Variants in NOX5 observed in about 807,000 individuals in gnomAD.
The protein encoded by NOX5 is NADPH oxidase, EF-hand calcium binding domain 5.
In NOX5, 76 loss-of-function variants were observed where a neutral mutation model predicts 85.7. That is an observed-to-expected ratio of 0.89 (90% CI 0.74 to 1.07). The LOEUF is 1.07. Among genes scored for constraint, NOX5 ranks in the 50% least tolerant of loss-of-function variants. The probability of loss-of-function intolerance (pLI) is 0.00; values close to 1 mark genes in which losing one functional copy is unlikely to be tolerated. For synonymous variants in NOX5, 405 were observed against 401.4 expected (o/e 1.01, Z -0.11); for missense variants, 973 against 999.5 (o/e 0.97, Z 0.36).
rs764548905 is a variant in NOX5 at position 69,033,137 on chromosome 15, C to G, written c.715C>G (p.Leu239Val). Residue 239 changes from leucine to valine, a missense_variant, in exon 5 of 16, where the codon CTG becomes GTG. Leu to Val is a conservative substitution (Grantham distance 32, BLOSUM62 1). Coordinates refer to ENST00000388866, the MANE Select transcript of NOX5 (RefSeq NM_024505.4). ...CTACTGGCACAACCACCGCAGCCAG[C>G]TGTTCTGCCTGGCCACCTATGCAGG... is the stretch of plus-strand genomic sequence containing the variant. ...RAYWHNHRSQ[L>V]FCLATYAGLH... The G allele has an allele frequency of 6.4e-7, 1 of 1,569,604 alleles. No individual in the cohort carries two copies. Among genetic ancestry groups the G allele is most frequent in the Admixed American group, 1.8e-5 (1 of 55,782 alleles).
intron 1 of NOX5, among the ~76,000 whole-genome samples, chr15:69,015,009 C>G (rs1477715762): frequency 1.3e-5 from 2 of 152,188 alleles, no homozygotes; most frequent in Non-Finnish European, 2.9e-5. Flanking sequence ...CTGGCCAAGT[C>G]AGTGTAATAG....
Position 69,031,821 on chromosome 15 carries a change from G to A in NOX5, c.620+9G>A, listed in dbSNP as rs371028876. 1.4e-5 allele frequency: 23 copies of A among 1,589,676 alleles called. No homozygotes were observed. The highest frequency in any genetic ancestry group is 1.8e-5 in the Non-Finnish European group (21 of 1,163,348). ...GAGAACCTGACCATCAGGTACGGCC[G>A]GGTCTCGGGCATTGGCACTGTCCAC... On this transcript the variant is annotated intron_variant, in intron 4 of 15. Coordinates refer to ENST00000388866, the MANE Select transcript of NOX5 (RefSeq NM_024505.4).
Position 69,047,831 on chromosome 15 carries a change from C to T in NOX5, c.1819C>T (p.His607Tyr). The T allele has an allele frequency of 1.2e-6, 2 of 1,614,116 alleles. No individual in the cohort carries two copies. Among genetic ancestry groups the T allele is most frequent in the Non-Finnish European group, 1.7e-6 (2 of 1,180,014 alleles). The change falls in exon 13 of 16, where the codon CAC becomes TAC. Residue 607 changes from histidine to tyrosine, a missense_variant and splice_region_variant. Coordinates refer to ENST00000388866, the MANE Select transcript of NOX5 (RefSeq NM_024505.4). ...ASILQSIMYR[H>Y]QKRKHTCPSC... ...CCCCTTCCTCCTGCCTCCCCTCAGG[C>T]ACCAGAAAAGAAAGCATACTTGCCC...
At chr15:69,024,202 T>G (rs1051199465) in intron 1 of NOX5, 1 of 152,182 alleles carries the variant, frequency 6.6e-6, no homozygotes. Context: ...TTTACTATGA[T>G]GTGTCCTCAC....
intron 15 of NOX5, 138 bp downstream of exon 15, chr15:69,055,638 T>G: frequency 1.1e-6 from 1 of 890,128 alleles, no homozygotes; most frequent in Non-Finnish European, 1.7e-6. Flanking sequence ...CCTCGTGGTG[T>G]GAAAGGTAAA....
intron 10 of NOX5, among the ~76,000 whole-genome samples, chr15:69,043,171 C>T (rs923274548): frequency 6.6e-6 from 1 of 152,162 alleles, no homozygotes; most frequent in African/African-American, 2.4e-5. Context: ...TGTTACTTAC[C>T]TTTCTCCTGT....
At chr15:69,029,681 CTTTTTTT>C (rs200435234) in intron 3 of NOX5, 4 of 142,906 alleles carry the variant, frequency 2.8e-5, no homozygotes, top group African/African-American at 1.0e-4. Flanking sequence ...TAATTTTCTG[CTTTTTTT>C]TTTTTTTCTG....
chr15:69,033,280 A>G lies in NOX5; in HGVS notation c.855+3A>G, dbSNP rs1424269714. On this transcript the variant is annotated splice_donor_region_variant and intron_variant, in intron 5 of 15. Coordinates refer to ENST00000388866, the MANE Select transcript of NOX5 (RefSeq NM_024505.4). ...ACTTCGACTGCAGCTTCATCGCGGT[A>G]GGCTCTGCCAGCACACGGTGCTCTG... is the stretch of plus-strand genomic sequence containing the variant. 1 of 1,592,918 alleles carries G rather than the reference A, an allele frequency of 6.3e-7. No individual in the cohort carries two copies. The highest frequency in any genetic ancestry group is 1.1e-5 in the South Asian group (1 of 89,398).
chr15:69,044,990 G>A (rs2050644002), intron 10 of NOX5, among the ~76,000 whole-genome samples: 1 of 152,082 alleles, frequency 6.6e-6, no homozygotes, highest in African/African-American at 2.4e-5. Flanking sequence ...AAGACCTGGT[G>A]TACACGAAGA....
At chr15:69,038,153 T>C (rs2050546295) in intron 8 of NOX5, 1 of 152,706 alleles carries the variant, frequency 6.5e-6, no homozygotes, top group Admixed American at 6.5e-5. Flanking sequence ...GGATGGAGTC[T>C]AGGACGTCTC....
At position 69,033,275 on chromosome 15, in the gene NOX5, G is replaced by C; in HGVS notation, c.853G>C (p.Ala285Pro). 6.3e-7 allele frequency: 1 copy of C among 1,593,560 alleles called. No individual in the cohort carries two copies. Among genetic ancestry groups the C allele is most frequent in the Non-Finnish European group, 8.5e-7 (1 of 1,178,096 alleles). ...QCLNFDCSFI[A>P]VLMLRRCLTW... ...CCTCAACTTCGACTGCAGCTTCATC[G>C]CGGTAGGCTCTGCCAGCACACGGTG... Residue 285 changes from alanine to proline, a missense_variant and splice_region_variant, in exon 5 of 16, where the codon GCG (alanine) becomes CCG (proline). Transcript: ENST00000388866.
intron 7 of NOX5, 42 bp from the exon 8 acceptor site, chr15:69,036,986 G>T (rs1476846976): frequency 6.6e-7 from 1 of 1,526,168 alleles, no homozygotes; most frequent in Non-Finnish European, 9.1e-7. Flanking sequence ...CACCCCCCAG[G>T]CCTTGAGCTC....
At chr15:69,034,019 C>T (rs2050479382) in intron 5 of NOX5, among the ~76,000 whole-genome samples, 1 of 151,960 alleles carries the variant, frequency 6.6e-6, no homozygotes, top group South Asian at 2.1e-4. Context: ...TCACACAACT[C>T]CTACCATTAA....
chr15:69,042,370 C>T (rs1251385895), intron 9 of NOX5, among the ~76,000 whole-genome samples: 2 of 152,194 alleles, frequency 1.3e-5, no homozygotes, highest in Non-Finnish European at 2.9e-5. Context: ...GTGGCAGAGT[C>T]CCTGCCTTTA....
chr15:69,020,967 G>A (rs576017492), intron 1 of NOX5, among the ~76,000 whole-genome samples: 29 of 151,772 alleles, frequency 1.9e-4, no homozygotes, highest in Admixed American at 7.9e-4. Context: ...CAAAAATTAC[G>A]TTGATAGGCG....
chr15:69,033,182 G>C lies in NOX5; in HGVS notation c.760G>C (p.Gly254Arg), dbSNP rs746976061. 6 of 1,590,244 alleles carry C rather than the reference G, an allele frequency of 3.8e-6. No individual in the cohort carries two copies. Among genetic ancestry groups the C allele is most frequent in the Non-Finnish European group, 3.4e-6 (4 of 1,175,778 alleles). Residue 254 changes from glycine (G) to arginine (R), a missense_variant, in exon 5 of 16, where the codon GGG (glycine) becomes CGG (arginine). By Grantham distance (125) the Gly-to-Arg change is moderately radical (BLOSUM62 -2). Transcript: ENST00000388866. Reference protein sequence around the residue: ...TYAGLHVLLFGLAASAHRDLG... With the variant: ...TYAGLHVLLFRLAASAHRDLG... ...TGCAGGCCTCCACGTGCTGCTCTTC[G>C]GGCTGGCGGCCAGCGCGCACCGGGA...
intron 1 of NOX5, among the ~76,000 whole-genome samples, chr15:69,025,470 A>G (rs2050345688): frequency 6.6e-6 from 1 of 152,208 alleles, no homozygotes; most frequent in Non-Finnish European, 1.5e-5. Context: ...GAAGGCAGGC[A>G]TCGTCGCCTT....
intron 5 of NOX5, among the ~76,000 whole-genome samples, chr15:69,034,678 A>G (rs2050488623): frequency 1.3e-5 from 2 of 152,228 alleles, no homozygotes; most frequent in Non-Finnish European, 2.9e-5. Flanking sequence ...CACCTCGAGA[A>G]CTAACACAAC....
chr15:69,019,290 G>C (rs532868394), intron 1 of NOX5, among the ~76,000 whole-genome samples: 1 of 152,220 alleles, frequency 6.6e-6, no homozygotes, highest in African/African-American at 2.4e-5. Flanking sequence ...ATGGAAGGGG[G>C]CAGGGAGGGA....
Sources: allele counts gnomAD v4.1 joint callset (sites outside exome capture counted in the v4.1 genomes callset), GRCh38; gene constraint gnomAD v4.1.1; transcripts MANE v1.5; gene names NCBI Gene and HGNC (gene_info 2026-07-23, HGNC 2026-07-21).